Variants in C19orf38 observed in about 807,000 individuals in gnomAD.
C19orf38 encodes protein HIDE1.
In C19orf38, 14 loss-of-function variants were observed where a neutral mutation model predicts 26.6. The ratio of observed to expected loss-of-function variants is 0.53; its 90% CI spans 0.35 to 0.82. The LOEUF (loss-of-function observed/expected upper bound fraction) is 0.82. C19orf38 is among the 40% of genes least tolerant of loss of function. C19orf38 has a pLI of 0.01. For missense variants in C19orf38, 261 were observed against 299.5 expected (o/e 0.87, Z 0.95); for synonymous variants, 132 against 128.5 (o/e 1.03, Z -0.18).
chr19:10,857,668 G>T (rs2073643595), intron 3 of C19orf38, among the ~76,000 whole-genome samples: 1 of 151,488 alleles, frequency 6.6e-6, no homozygotes. Context: ...AGATCGCGAG[G>T]TCAGGAGTTT....
chr19:10,859,294 ATG>A lies in C19orf38; in HGVS notation c.462-609_462-608del, dbSNP rs1426978656. ...TGTGTGTGTGTATGTGTGTGTGTAT[ATG>A]TGTGTGTGTGTATGTATGTGTGTGT... On this transcript the variant is annotated intron_variant, in intron 4 of 6. Coordinates refer to ENST00000397820, the MANE Select transcript of C19orf38 (RefSeq NM_001136482.3). Among the ~76,000 whole-genome samples the A allele has an allele frequency of 2.7e-3, 283 of 103,526 alleles. 3 individuals carry two copies. Among genetic ancestry groups the A allele is most frequent in the African/African-American group, 9.0e-3 (246 of 27,264 alleles). The allele number at this position is 103,526 out of a possible 152,430, so 67.9% of individuals were successfully genotyped here. A position where few individuals can be genotyped will look rare whatever the true frequency, so the allele number is the denominator to read the frequency against.
chr19:10,838,000 C>T (rs1031101111), intron 1 of C19orf38, among the ~76,000 whole-genome samples: 1 of 152,156 alleles, frequency 6.6e-6, no homozygotes, highest in Non-Finnish European at 1.5e-5. Context: ...CTGTGTTGCC[C>T]AGGCTGGTTT....
Position 10,869,545 on chromosome 19 carries a change from G to A in C19orf38, c.*178G>A. The A allele has an allele frequency of 1.1e-6, 1 of 895,876 alleles. No homozygotes were observed. Among genetic ancestry groups the A allele is most frequent in the Admixed American group, 3.0e-5 (1 of 33,378 alleles). 55.5% of individuals were successfully genotyped at this position (895,876 alleles called of 1,614,324 possible). A position where few individuals can be genotyped will look rare whatever the true frequency, so the allele number is the denominator to read the frequency against. ...AGTGGGAGAGGGGACACAGGCATGG[G>A]CCTGGCACTATACAGACAACAGGAA... On this transcript the variant is annotated 3_prime_UTR_variant, in exon 7 of 7. Transcript: ENST00000397820.
At chr19:10,865,456 T>C (rs534247369) in intron 6 of C19orf38, among the ~76,000 whole-genome samples, 10 of 150,930 alleles carry the variant, frequency 6.6e-5, no homozygotes, top group Admixed American at 3.3e-4. Flanking sequence ...CTTTTATTTG[T>C]TTTTTTACTT....
rs1555721420 is a variant in C19orf38 at position 10,859,290 on chromosome 19, G to GTGTGTGTGTA, written c.462-624_462-623insGTGTGTGTAT. On this transcript the variant is annotated intron_variant, in intron 4 of 6. Coordinates refer to ENST00000397820, the MANE Select transcript of C19orf38 (RefSeq NM_001136482.3). ...TGTGTGTGTGTGTGTATGTGTGTGT[G>GTGTGTGTGTA]TATATGTGTGTGTGTGTATGTATGT... Among the ~76,000 whole-genome samples the GTGTGTGTGTA allele has an allele frequency of 9.9e-5, 13 of 131,500 alleles. 1 individual carries two copies. The highest frequency in any genetic ancestry group is 3.5e-4 in the African/African-American group (12 of 34,562). The allele number at this position is 131,500 out of a possible 152,430, so 86.3% of individuals were successfully genotyped here.
intron 2 of C19orf38, among the ~76,000 whole-genome samples, chr19:10,851,174 C>T (rs2073568572): frequency 1.3e-5 from 2 of 152,198 alleles, no homozygotes; most frequent in Admixed American, 1.3e-4. Context: ...CTGCCTCAGC[C>T]TCCTGAGTAT....
upstream of C19orf38, among the ~76,000 whole-genome samples, chr19:10,844,750 A>T (rs1177426417): frequency 6.6e-6 from 1 of 150,630 alleles, no homozygotes; most frequent in East Asian, 2.0e-4. Flanking sequence ...CGGGAGACTG[A>T]GGCAGGAGAA....
upstream of C19orf38, among the ~76,000 whole-genome samples, chr19:10,844,169 G>A (rs2073498415): frequency 1.3e-5 from 2 of 151,744 alleles, no homozygotes; most frequent in East Asian, 1.9e-4. Flanking sequence ...CACTTTGGGA[G>A]GCTGAGGTGG....
rs962987520 is a variant in C19orf38 at position 10,850,414 on chromosome 19, G to A, written c.187G>A (p.Ala63Thr). The change falls in exon 2 of 7, where the codon GCC becomes ACC. Residue 63 changes from alanine to threonine, a missense_variant. Ala to Thr is a moderately conservative substitution (Grantham distance 58). Coordinates refer to ENST00000397820, the MANE Select transcript of C19orf38 (RefSeq NM_001136482.3). ...RGGQVVQLLQ[A>T]PTDQRGVTFN... ...GGGGCAGGTGGTCCAGCTCCTGCAG[G>A]CCCCCACGGACCAGCGCGGGGTGAC... The A allele has an allele frequency of 1.9e-6, 3 of 1,550,916 alleles. No individual in the cohort carries two copies. In the African/African-American group the frequency reaches 4.1e-5, roughly 21 times the overall value.
intron 3 of C19orf38, 44 bp downstream of exon 3, chr19:10,856,401 C>T: frequency 6.7e-7 from 1 of 1,487,828 alleles, no homozygotes; most frequent in Non-Finnish European, 9.2e-7. Context: ...CAGTTGACAA[C>T]TTCTGGAACG....
chr19:10,861,069 G>A (rs1227695672), intron 5 of C19orf38, among the ~76,000 whole-genome samples: 1 of 152,098 alleles, frequency 6.6e-6, no homozygotes, highest in Non-Finnish European at 1.5e-5. Flanking sequence ...CTTGAACCCA[G>A]GAGGCAGAGG....
At chr19:10,846,947 G>A, upstream of C19orf38, among the ~76,000 whole-genome samples, 1 of 152,188 alleles carries the variant, frequency 6.6e-6, no homozygotes, top group East Asian at 1.9e-4. Context: ...ACAGAATTGT[G>A]TTCCAGGCCA....
chr19:10,844,703 C>A (rs1458951205), upstream of C19orf38, among the ~76,000 whole-genome samples: 1 of 151,576 alleles, frequency 6.6e-6, no homozygotes, highest in Admixed American at 6.6e-5. Context: ...AAAAAATTAG[C>A]CGGGCGTGGT....
chr19:10,869,420 C>T lies in C19orf38; in HGVS notation c.*53C>T. On this transcript the variant is annotated 3_prime_UTR_variant, in exon 7 of 7. Transcript: ENST00000397820. Reference sequence around the variant, plus strand: ...TCCAGGCATTCGGGGGCCTGAGGTCCCTCCAGCTACTTCTGGGGGGGCTCT... The same window carrying T: ...TCCAGGCATTCGGGGGCCTGAGGTCTCTCCAGCTACTTCTGGGGGGGCTCT... 2 of 1,493,714 alleles carry T rather than the reference C, an allele frequency of 1.3e-6. No homozygotes were observed. The highest frequency in any genetic ancestry group is 1.8e-6 in the Non-Finnish European group (2 of 1,120,536). The allele number at this position is 1,493,714 out of a possible 1,614,324, so 92.5% of individuals were successfully genotyped here. A position where few individuals can be genotyped will look rare whatever the true frequency, so the allele number is the denominator to read the frequency against.
chr19:10,848,400 G>C, upstream of C19orf38: 1 of 1,238,068 alleles, frequency 8.1e-7, no homozygotes, highest in Non-Finnish European at 1.2e-6. Flanking sequence ...CTCAGCTCGA[G>C]AATCAGCCCT....
chr19:10,862,060 G>C (rs928029933), intron 5 of C19orf38, among the ~76,000 whole-genome samples: 13 of 147,586 alleles, frequency 8.8e-5, no homozygotes, highest in African/African-American at 3.3e-4. Context: ...CACCACACCC[G>C]GCTAATTTTT....
intron 3 of C19orf38, among the ~76,000 whole-genome samples, chr19:10,856,889 T>C (rs1335113225): frequency 2.7e-5 from 4 of 150,698 alleles, no homozygotes; most frequent in African/African-American, 9.8e-5. Context: ...CTTGACCTCC[T>C]GGGCTCAAGC....
At chr19:10,842,330 G>A in intron 1 of C19orf38, 1 of 638,628 alleles carries the variant, frequency 1.6e-6, no homozygotes, top group East Asian at 2.9e-5. Flanking sequence ...GCGCGACCTT[G>A]GCTCACTGCA....
intron 3 of C19orf38, 131 bp downstream of exon 3, chr19:10,856,488 A>C: frequency 3.7e-6 from 2 of 545,120 alleles, no homozygotes; most frequent in South Asian, 6.1e-5. Context: ...CCCCTTTTAA[A>C]AGTATTTATT....
Sources: gnomAD v4.1 joint callset for allele counts (sites outside exome capture counted in the v4.1 genomes callset) on GRCh38, gnomAD v4.1.1 for gene constraint, MANE v1.5 for transcripts, NCBI Gene and HGNC (gene_info 2026-07-23, HGNC 2026-07-21) for gene names.